The following NOLC1 variants were observed in gnomAD, a reference collection of about 807,000 sequenced individuals.
The protein encoded by NOLC1 is 140 kDa nucleolar phosphoprotein.
Under a neutral mutation model 73.4 loss-of-function variants are expected in NOLC1, and 37 were observed. The observed-to-expected ratio is 0.50, with a 90% CI of 0.39 to 0.66. The LOEUF is 0.66. Among genes scored for constraint, NOLC1 ranks in the 30% least tolerant of loss-of-function variants. The probability of loss-of-function intolerance (pLI) is 0.00; values close to 1 mark genes in which losing one functional copy is unlikely to be tolerated. For synonymous variants in NOLC1, 327 were observed against 302.6 expected (o/e 1.08, Z -0.84); for missense variants, 921 against 838.9 (o/e 1.10, Z -1.21).
At chr10:102,162,018 G>T in intron 12 of NOLC1, 93 bp downstream of exon 12, 1 of 1,603,042 alleles carries the variant, frequency 6.2e-7, no homozygotes, top group East Asian at 2.2e-5. Context: ...TCTTCTCTGG[G>T]TTCAGGTTTC....
chr10:102,158,881 G>T (rs919595712), intron 5 of NOLC1, among the ~76,000 whole-genome samples: 4 of 151,632 alleles, frequency 2.6e-5, no homozygotes, highest in African/African-American at 7.3e-5. Flanking sequence ...GATTGCTTGA[G>T]GTCAGGAGTT....
intron 5 of NOLC1, 125 bp downstream of exon 5, chr10:102,158,339 G>A (rs1211751718): frequency 3.2e-6 from 2 of 621,956 alleles, no homozygotes; most frequent in South Asian, 4.7e-5. Flanking sequence ...GTTGATTACT[G>A]GTCTTTTAAT....
Position 102,160,740 on chromosome 10 carries a change from C to T in NOLC1, c.1388C>T (p.Pro463Leu). 1.2e-6 allele frequency: 2 copies of T among 1,614,104 alleles called. No homozygotes were observed. Among genetic ancestry groups the T allele is most frequent in the Non-Finnish European group, 8.5e-7 (1 of 1,179,962 alleles). ...AALSLPAKQAPQGSRDSSSDS... is the reference protein window; with the variant it reads ...AALSLPAKQALQGSRDSSSDS... ...CTATCTCTGCCTGCCAAGCAGGCTCCTCAGGGTAGTAGGGACAGCAGCTCT... is the reference window on the plus strand; with the variant it reads ...CTATCTCTGCCTGCCAAGCAGGCTCTTCAGGGTAGTAGGGACAGCAGCTCT... Residue 463 changes from proline (P) to leucine (L), a missense_variant, in exon 10 of 13, where the codon CCT becomes CTT. Transcript: ENST00000605788.
chr10:102,160,457 G>C lies in NOLC1; in HGVS notation c.1105G>C (p.Asp369His), dbSNP rs534429868. 1 of 1,613,268 alleles carries C rather than the reference G, an allele frequency of 6.2e-7. No homozygotes were observed. The highest frequency in any genetic ancestry group is 1.3e-5 in the African/African-American group (1 of 74,948). Residue 369 changes from aspartate to histidine, a missense_variant, in exon 10 of 13, where the codon GAC becomes CAC. Asp to His is a moderately conservative substitution (Grantham distance 81, BLOSUM62 -1). Transcript: ENST00000605788. ...TCCATCCCTTCTGTGTCTAGACTCT[G>C]ACAGCTCTGAGGATGATGAAGCTCC... Reference protein sequence around the residue: ...AESSSDSSDSDSSEDDEAPSK... With the variant: ...AESSSDSSDSHSSEDDEAPSK...
chr10:102,157,360 G>C (rs1483278896), intron 3 of NOLC1, 32 bp downstream of exon 3: 1 of 1,613,188 alleles, frequency 6.2e-7, no homozygotes, highest in Admixed American at 1.7e-5. Context: ...GCTTGGTGGT[G>C]CCAGGAAAAG....
At position 102,160,608 on chromosome 10, in the gene NOLC1, G is replaced by C; in HGVS notation, c.1256G>C (p.Arg419Thr). The C allele has an allele frequency of 1.2e-6, 2 of 1,614,252 alleles. No individual in the cohort carries two copies. The highest frequency in any genetic ancestry group is 1.6e-4 in the Middle Eastern group (1 of 6,062). Residue 419 changes from arginine to threonine, a missense_variant, in exon 10 of 13, where the codon AGA becomes ACA. Transcript: ENST00000605788. ...GGCGGTGGCCAGAAGCTTCTGACGAGAAAGGCTGACAGCAGCTCCAGTGAG... is the reference window on the plus strand; with the variant it reads ...GGCGGTGGCCAGAAGCTTCTGACGACAAAGGCTGACAGCAGCTCCAGTGAG... ...PVGGGQKLLT[R>T]KADSSSSEEE... is the part of the protein sequence containing the mutation.
rs1484843674 is a variant in NOLC1, at chr10:102,158,035, G to A, written c.442-14G>A. ...AGCTTTTGCTGATTTCTCTCCTTGT[G>A]TCTTTTCTAACAGAAGGGAGTTAAG... On this transcript the variant is annotated splice_polypyrimidine_tract_variant and intron_variant, in intron 4 of 12. Transcript: ENST00000605788. The A allele has an allele frequency of 1.9e-6, 3 of 1,610,196 alleles. No homozygotes were observed. Among genetic ancestry groups the A allele is most frequent in the Admixed American group, 1.7e-5 (1 of 59,344 alleles).
In NOLC1 at chr10:102,156,766, TC is replaced by T. The variant is rs1458556510; in HGVS notation, c.121-252del. ...GTTTTGTTTTGTTTTAGGACTTTGA[TC>T]AATATAGATTGGCAGGCAGGGGGTT... On this transcript the variant is annotated intron_variant, in intron 1 of 12. Coordinates refer to ENST00000605788, the MANE Select transcript of NOLC1 (RefSeq NM_004741.5). Among the ~76,000 whole-genome samples the T allele has an allele frequency of 1.4e-4, 22 of 152,208 alleles. No individual in the cohort carries two copies. In the Middle Eastern group the frequency reaches 0.01, roughly 71 times the overall value.
intron 12 of NOLC1, 87 bp from the exon 13 acceptor site, chr10:102,162,024 G>A (rs1259245927): frequency 1.2e-6 from 2 of 1,603,848 alleles, no homozygotes; most frequent in Non-Finnish European, 1.7e-6. Flanking sequence ...CTGGGTTCAG[G>A]TTTCCTTGAG....
chr10:102,157,275 A>C lies in NOLC1; in HGVS notation c.263A>C (p.Glu88Ala). 6.2e-7 allele frequency: 1 copy of C among 1,614,218 alleles called. No individual in the cohort carries two copies. The highest frequency in any genetic ancestry group is 1.3e-5 in the African/African-American group (1 of 75,066). Reference protein sequence around the residue: ...AKKKASSSDSEDSSEEEEEVQ... With the variant: ...AKKKASSSDSADSSEEEEEVQ... ...AAGAAGGCCTCATCCAGTGACAGTGAGGACAGCAGCGAGGAGGAGGAGGAA... is the reference window on the plus strand; with the variant it reads ...AAGAAGGCCTCATCCAGTGACAGTGCGGACAGCAGCGAGGAGGAGGAGGAA... The change falls in exon 3 of 13, where the codon GAG becomes GCG. Residue 88 changes from glutamate to alanine, a missense_variant. Transcript: ENST00000605788.
rs879054508 is a variant in NOLC1 at position 102,162,326 on chromosome 10, A to G, written c.*57A>G. On this transcript the variant is annotated 3_prime_UTR_variant, in exon 13 of 13. Transcript: ENST00000605788. ...TGATCGGAGACTACTTACTTTCTCC[A>G]GTGGACCTGGGAACCCTCAGGTCTC... 10 of 1,581,460 alleles carry G rather than the reference A, an allele frequency of 6.3e-6. No homozygotes were observed. Among genetic ancestry groups the G allele is most frequent in the Non-Finnish European group, 8.6e-6 (10 of 1,160,104 alleles).
At chr10:102,159,094 A>AAATTT in intron 5 of NOLC1, 99 bp from the exon 6 acceptor site, 1 of 724,784 alleles carries the variant, frequency 1.4e-6, no homozygotes, top group Non-Finnish European at 2.1e-6. Context: ...AAAAAAAAAA[A>AAATTT]TGGTGGACTC....
At position 102,160,980 on chromosome 10, in the gene NOLC1, C is replaced by T. The variant is rs776271995; in HGVS notation, c.1628C>T (p.Ala543Val). 30 of 1,614,164 alleles carry T rather than the reference C, an allele frequency of 1.9e-5. 1 individual carries two copies. The highest frequency in any genetic ancestry group is 6.7e-5 in the Admixed American group (4 of 60,020). The change falls in exon 10 of 13, where the codon GCC becomes GTC. Residue 543 changes from alanine to valine, a missense_variant. Coordinates refer to ENST00000605788, the MANE Select transcript of NOLC1 (RefSeq NM_004741.5). ...LKGKGSPRPQ[A>V]PKANGTSALT... ...GGCAAGGGCTCTCCAAGACCACAAGCCCCCAAGGCCAATGGCACCTCTGCA... is the reference window on the plus strand; with the variant it reads ...GGCAAGGGCTCTCCAAGACCACAAGTCCCCAAGGCCAATGGCACCTCTGCA...
rs185458716 is a variant in NOLC1 at position 102,161,650 on chromosome 10, A to T, written c.1836A>T (p.Pro612=). Residue 612 remains proline (P), a synonymous_variant, in exon 11 of 13, where the codon CCA becomes CCT. Coordinates refer to ENST00000605788, the MANE Select transcript of NOLC1 (RefSeq NM_004741.5). ...KIKLQTPNTF[P]KRKKGEKRAS... is the part of the protein sequence containing the mutation. ...AGCTTCAGACCCCTAACACATTTCC[A>T]AAAAGGAAGAAAGTAAGTTGTCTCA... 3.1e-6 allele frequency: 5 copies of T among 1,613,216 alleles called. No homozygotes were observed. The highest frequency in any genetic ancestry group is 2.2e-5 in the East Asian group (1 of 44,880).
intron 5 of NOLC1, among the ~76,000 whole-genome samples, 196 bp downstream of exon 5, chr10:102,158,410 T>C (rs1022918099): frequency 6.6e-6 from 1 of 152,236 alleles, no homozygotes; most frequent in African/African-American, 2.4e-5. Context: ...GAGAAAGTTA[T>C]TGCAGCAAGA....
rs1380482320 is a variant in NOLC1 at position 102,156,428 on chromosome 10, GA to G, written c.121-590del. Among the ~76,000 whole-genome samples, 197 of 148,308 alleles carry G rather than the reference GA, an allele frequency of 1.3e-3. 1 individual carries two copies. The highest frequency in any genetic ancestry group is 4.5e-3 in the African/African-American group (177 of 39,412). On this transcript the variant is annotated intron_variant, in intron 1 of 12. Coordinates refer to ENST00000605788, the MANE Select transcript of NOLC1 (RefSeq NM_004741.5). ...TAAGCCACTGTGCCCAGTCAAAAGT[GA>G]TTTTTTTTTTTTTTTGAAATGGAGT...
At position 102,152,497 on chromosome 10, in the gene NOLC1, G is replaced by T. The variant is rs774170597; in HGVS notation, c.87G>T (p.Glu29Asp). ...LGFLRDNQLS[E>D]VANKFAKATG... ...TCCTGCGCGATAACCAACTCTCAGA[G>T]GTGGCCAATAAGTTCGCCAAAGCGA... Residue 29 changes from glutamate (E) to aspartate (D), a missense_variant, in exon 1 of 13, where the codon GAG becomes GAT. Coordinates refer to ENST00000605788, the MANE Select transcript of NOLC1 (RefSeq NM_004741.5). 1 of 1,613,896 alleles carries T rather than the reference G, an allele frequency of 6.2e-7. No homozygotes were observed. The highest frequency in any genetic ancestry group is 1.7e-5 in the Admixed American group (1 of 60,036).
rs1216081395 is a variant in NOLC1 at position 102,162,610 on chromosome 10, T to C, written c.*341T>C. The C allele has an allele frequency of 1.2e-5, 2 of 164,358 alleles. No homozygotes were observed. Among genetic ancestry groups the C allele is most frequent in the African/African-American group, 4.8e-5 (2 of 41,906 alleles). 10.2% of individuals were successfully genotyped at this position (164,358 alleles called of 1,614,324 possible). A position where few individuals can be genotyped will look rare whatever the true frequency, so the allele number is the denominator to read the frequency against. On this transcript the variant is annotated 3_prime_UTR_variant, in exon 13 of 13. Coordinates refer to ENST00000605788, the MANE Select transcript of NOLC1 (RefSeq NM_004741.5). Reference sequence around the variant, plus strand: ...AATCACTTACTATTGATTTTTGTTGTGATTTTCAAAGGTGGATTCCCACAG... The same window carrying C: ...AATCACTTACTATTGATTTTTGTTGCGATTTTCAAAGGTGGATTCCCACAG...
chr10:102,158,915 C>T (rs932705143), intron 5 of NOLC1, among the ~76,000 whole-genome samples: 4 of 151,500 alleles, frequency 2.6e-5, no homozygotes, highest in South Asian at 2.1e-4. Flanking sequence ...GCCAACATGG[C>T]GAAACCCTGT....
Sources: allele counts gnomAD v4.1 joint callset (sites outside exome capture counted in the v4.1 genomes callset), GRCh38; gene constraint gnomAD v4.1.1; transcripts MANE v1.5; gene names NCBI Gene and HGNC (gene_info 2026-07-23, HGNC 2026-07-21).